Variants in LIN7A observed in about 807,000 individuals in gnomAD.
LIN7A encodes protein lin-7 homolog A.
A neutral mutation model predicts 29.8 loss-of-function variants in LIN7A; 25 were observed. The ratio of observed to expected loss-of-function variants is 0.84; its 90% CI spans 0.61 to 1.17. The LOEUF (loss-of-function observed/expected upper bound fraction) is 1.17, where lower values mean the gene tolerates loss of function less well. Among genes scored for constraint, LIN7A ranks in the 50% most tolerant of loss-of-function variants. The pLI is 0.00. For synonymous variants in LIN7A, 118 were observed against 107.5 expected, an observed-to-expected ratio of 1.10 and a Z score of -0.60; for missense variants, 239 against 287.0, an observed-to-expected ratio of 0.83 and a Z score of 1.21.
In LIN7A at chr12:80,795,229, G is replaced by C. The variant is rs1313382121; in HGVS notation, c.*2498C>G. 2.0e-5 allele frequency: 3 copies of C among 152,094 alleles called. No homozygotes were observed. Among genetic ancestry groups the C allele is most frequent in the African/African-American group, 7.2e-5 (3 of 41,422 alleles). 9.4% of individuals were successfully genotyped at this position (152,094 alleles called of 1,614,324 possible). A position where few individuals can be genotyped will look rare whatever the true frequency, so the allele number is the denominator to read the frequency against. On this transcript the variant is annotated 3_prime_UTR_variant, in exon 6 of 6. Transcript: ENST00000552864. Reference sequence around the variant, plus strand: ...TCAGTGAAACTTAAGAGAACCACAGGTGGCTTAAGTCTTAGTGATGGCTAC... The same window carrying C: ...TCAGTGAAACTTAAGAGAACCACAGCTGGCTTAAGTCTTAGTGATGGCTAC...
intron 1 of LIN7A, among the ~76,000 whole-genome samples, chr12:80,915,511 C>G (rs7136415): frequency 0.1 from 15,223 of 152,152 alleles, 822 homozygotes; most frequent in East Asian, 0.13. Flanking sequence ...ACATGGAAAC[C>G]CCATTACTGG....
At chr12:80,900,345 G>A (rs1338105286) in intron 1 of LIN7A, among the ~76,000 whole-genome samples, 1 of 152,212 alleles carries the variant, frequency 6.6e-6, no homozygotes. Context: ...GTTACTCTAG[G>A]TGTGATGTTA....
intron 1 of LIN7A, among the ~76,000 whole-genome samples, chr12:80,897,320 G>A (rs1185115): frequency 0.68 from 103,397 of 151,940 alleles, 39,152 homozygotes; most frequent in Non-Finnish European, 0.87. Flanking sequence ...CCTTACAGCC[G>A]ACTATAGCCT....
chr12:80,902,893 C>T (rs1876298662), intron 1 of LIN7A, among the ~76,000 whole-genome samples: 1 of 151,688 alleles, frequency 6.6e-6, no homozygotes, highest in Admixed American at 6.6e-5. Context: ...ACATCCAGTA[C>T]TATGTTGAGT....
chr12:80,827,921 T>A (rs950036029), intron 4 of LIN7A, among the ~76,000 whole-genome samples: 4 of 152,130 alleles, frequency 2.6e-5, no homozygotes, highest in African/African-American at 9.7e-5. Flanking sequence ...TTCTGGACGT[T>A]TTTTTTGTTC....
Position 80,822,920 on chromosome 12 carries a change from C to T in LIN7A, c.484-11237G>A, listed in dbSNP as rs552082211. 5.3e-5 allele frequency among the ~76,000 whole-genome samples: 8 copies of T among 152,254 alleles called. No homozygotes were observed. In the East Asian group the frequency reaches 7.8e-4, roughly 15 times the overall value. On this transcript the variant is annotated intron_variant, in intron 4 of 5. Coordinates refer to ENST00000552864, the MANE Select transcript of LIN7A (RefSeq NM_004664.4). ...CCCAGGGGCTGGGCTGCCTGTTCAA[C>T]GGACCAGAGTGAGAACTTATGGTGC...
chr12:80,924,389 T>A (rs1877468141), intron 1 of LIN7A, among the ~76,000 whole-genome samples: 1 of 152,198 alleles, frequency 6.6e-6, no homozygotes, highest in African/African-American at 2.4e-5. Context: ...TTGGGGAAAA[T>A]GCACCCCTGG....
intron 1 of LIN7A, among the ~76,000 whole-genome samples, chr12:80,923,737 A>G (rs1025586708): frequency 2.6e-5 from 4 of 152,162 alleles, no homozygotes; most frequent in South Asian, 2.1e-4. Flanking sequence ...AGAGCTTGCT[A>G]TAGATTCTAT....
At chr12:80,906,821 T>C (rs1401160300) in intron 1 of LIN7A, among the ~76,000 whole-genome samples, 1 of 151,676 alleles carries the variant, frequency 6.6e-6, no homozygotes, top group Non-Finnish European at 1.5e-5. Flanking sequence ...GAACCTAAAA[T>C]GAAAATCGGA....
intron 1 of LIN7A, among the ~76,000 whole-genome samples, chr12:80,913,167 A>C (rs1319060349): frequency 1.3e-5 from 2 of 152,208 alleles, no homozygotes; most frequent in African/African-American, 4.8e-5. Flanking sequence ...TCTGACCTTG[A>C]AAATGCATCT....
chr12:80,921,545 CA>C (rs1179590045), intron 1 of LIN7A, among the ~76,000 whole-genome samples: 1 of 131,778 alleles, frequency 7.6e-6, no homozygotes, highest in Non-Finnish European at 1.6e-5. Context: ...CAAGTGAGCA[CA>C]AAGGCGTTGG....
rs1294473355 is a variant in LIN7A at position 80,815,308 on chromosome 12, T to A, written c.484-3625A>T. On this transcript the variant is annotated intron_variant, in intron 4 of 5. Coordinates refer to ENST00000552864, the MANE Select transcript of LIN7A (RefSeq NM_004664.4). ...GTAAGAACAAGAAATCAAACCATCT[T>A]GCCACAGAAGTCTTGTTGCATGAAT... Among the ~76,000 whole-genome samples the A allele has an allele frequency of 3.3e-5, 5 of 152,314 alleles. No homozygotes were observed. In the East Asian group the frequency reaches 9.6e-4, roughly 29 times the overall value.
At chr12:80,817,988 G>A (rs768798370) in intron 4 of LIN7A, among the ~76,000 whole-genome samples, 1 of 152,088 alleles carries the variant, frequency 6.6e-6, no homozygotes, top group African/African-American at 2.4e-5. Flanking sequence ...GAATAGCATG[G>A]GGCTACCTGA....
In LIN7A at chr12:80,848,278, G is replaced by A. The variant is rs1873171229; in HGVS notation, c.246C>T (p.Pro82=). The change falls in exon 3 of 6, where the codon CCC becomes CCT. Residue 82 remains proline, a synonymous_variant. Transcript: ENST00000552864. The part of the protein sequence containing the change: ...MHETITVNGC[P]EFRARATAKA... ...TTGCTGTTGCCCTCGCACGGAATTC[G>A]GGACAGCCATTAACAGTTATCGTTT... The A allele has an allele frequency of 5.0e-6, 8 of 1,613,010 alleles. No individual in the cohort carries two copies. The highest frequency in any genetic ancestry group is 4.0e-5 in the African/African-American group (3 of 74,826).
chr12:80,829,273 TAGA>T (rs1399343174), intron 4 of LIN7A, among the ~76,000 whole-genome samples: 1 of 152,214 alleles, frequency 6.6e-6, no homozygotes, highest in Non-Finnish European at 1.5e-5. Context: ...TTTACAGATG[TAGA>T]AGTATAGTCT....
At chr12:80,889,785 T>C (rs1373112718) in intron 1 of LIN7A, among the ~76,000 whole-genome samples, 1 of 152,152 alleles carries the variant, frequency 6.6e-6, no homozygotes, top group Non-Finnish European at 1.5e-5. Context: ...ATTACTATGA[T>C]TAATGGATTG....
chr12:80,929,209 T>C (rs1240196203), intron 1 of LIN7A, among the ~76,000 whole-genome samples: 1 of 152,208 alleles, frequency 6.6e-6, no homozygotes, highest in Non-Finnish European at 1.5e-5. Context: ...AAAATACTCT[T>C]AAACCAGATT....
chr12:80,882,238 C>T (rs917034192), intron 2 of LIN7A, among the ~76,000 whole-genome samples: 1 of 149,356 alleles, frequency 6.7e-6, no homozygotes, highest in Non-Finnish European at 1.5e-5. Context: ...TTTACATATA[C>T]GATCATATCA....
chr12:80,927,441 G>T (rs555757378), intron 1 of LIN7A, among the ~76,000 whole-genome samples: 1 of 152,058 alleles, frequency 6.6e-6, no homozygotes, highest in Non-Finnish European at 1.5e-5. Flanking sequence ...GAGCCACCAC[G>T]CCCGGCCACA....
Sources: gnomAD v4.1 joint callset for allele counts (sites outside exome capture counted in the v4.1 genomes callset) on GRCh38, gnomAD v4.1.1 for gene constraint, MANE v1.5 for transcripts, NCBI Gene and HGNC (gene_info 2026-07-23, HGNC 2026-07-21) for gene names.